SIAH2: variants seen among roughly 807,000 people sequenced by gnomAD.
SIAH2 encodes siah E3 ubiquitin protein ligase 2, also known as E3 ubiquitin-protein ligase SIAH2.
A neutral mutation model predicts 20.4 loss-of-function variants in SIAH2; 4 were observed. That is an observed-to-expected ratio of 0.20 (90% CI 0.10 to 0.45). The LOEUF is 0.45. Among genes scored for constraint, SIAH2 ranks in the 20% least tolerant of loss-of-function variants. The pLI, the probability that SIAH2 is intolerant of heterozygous loss-of-function variation, is 0.99. For missense variants in SIAH2, 259 were observed against 440.3 expected (o/e 0.59, Z 3.69); for synonymous variants, 171 against 192.5 (o/e 0.89, Z 0.93).
intron 1 of SIAH2, among the ~76,000 whole-genome samples, chr3:150,751,807 T>C (rs2108121220): frequency 6.6e-6 from 1 of 152,266 alleles, no homozygotes; most frequent in East Asian, 1.9e-4. Flanking sequence ...GATCCTCCCA[T>C]GTCAGCCTCT....
intron 1 of SIAH2, among the ~76,000 whole-genome samples, chr3:150,746,688 A>G (rs1714221191): frequency 6.6e-6 from 1 of 152,208 alleles, no homozygotes; most frequent in Non-Finnish European, 1.5e-5. Context: ...AAATGGCCCC[A>G]GTTGAGAACC....
At chr3:150,750,163 G>C (rs1714326335) in intron 1 of SIAH2, among the ~76,000 whole-genome samples, 1 of 152,160 alleles carries the variant, frequency 6.6e-6, no homozygotes, top group South Asian at 2.1e-4. Context: ...TTAACCATCA[G>C]TCAAACTTTT....
chr3:150,750,645 C>A (rs989304857), intron 1 of SIAH2, among the ~76,000 whole-genome samples: 1 of 151,944 alleles, frequency 6.6e-6, no homozygotes, highest in African/African-American at 2.4e-5. Context: ...CATGAATTCC[C>A]GGCGTCAAGC....
chr3:150,742,544 G>C lies in SIAH2; in HGVS notation c.572C>G (p.Ala191Gly). Reference protein sequence around the residue: ...LEAVMSHLMHAHKSITTLQGE... With the variant: ...LEAVMSHLMHGHKSITTLQGE... Reference sequence around the variant, plus strand: ...CTGAAGGGTGGTAATGCTCTTGTGGGCGTGCATGAGATGGGACATCACAGC... The same window carrying C: ...CTGAAGGGTGGTAATGCTCTTGTGGCCGTGCATGAGATGGGACATCACAGC... The change falls in exon 2 of 2, where the codon GCC becomes GGC. Residue 191 changes from alanine to glycine, a missense_variant. Physicochemically the swap from Ala to Gly is moderately conservative, Grantham distance 60. Around this residue, in one of 2 missense-constraint regions of SIAH2, gnomAD observed 160 missense variants for 327.6 expected, o/e 0.49. Transcript: ENST00000312960. The surrounding 1 kb of genome is among the most constrained non-coding windows in gnomAD (Gnocchi z 4.8). The C allele has an allele frequency of 3.1e-6, 5 of 1,614,038 alleles. No individual in the cohort carries two copies. Among genetic ancestry groups the C allele is most frequent in the Non-Finnish European group, 4.2e-6 (5 of 1,179,950 alleles).
rs1015724302 is a variant in SIAH2, at chr3:150,742,845, C to T, written c.418-147G>A. 1.7e-6 allele frequency: 1 copy of T among 591,568 alleles called. No individual in the cohort carries two copies. Among genetic ancestry groups the T allele is most frequent in the African/African-American group, 1.9e-5 (1 of 53,264 alleles). 36.6% of individuals were successfully genotyped at this position (591,568 alleles called of 1,614,324 possible). A position where few individuals can be genotyped will look rare whatever the true frequency, so the allele number is the denominator to read the frequency against. On this transcript the variant is annotated intron_variant, in intron 1 of 1. Transcript: ENST00000312960. The surrounding 1 kb of genome is among the most constrained non-coding windows in gnomAD (Gnocchi z 4.8). ...CTCAAAGCAAGTGAAATATTCAAGACTAAAAGTCTCCGTCTCTATTCATCA... is the reference window on the plus strand; with the variant it reads ...CTCAAAGCAAGTGAAATATTCAAGATTAAAAGTCTCCGTCTCTATTCATCA...
At chr3:150,756,223 A>T (rs949733125) in intron 1 of SIAH2, among the ~76,000 whole-genome samples, 5 of 152,210 alleles carry the variant, frequency 3.3e-5, no homozygotes, top group Non-Finnish European at 5.9e-5. Context: ...CCTTTTCAGG[A>T]TGTCCAGCGT....
chr3:150,750,136 A>G (rs966792273), intron 1 of SIAH2, among the ~76,000 whole-genome samples: 3 of 152,246 alleles, frequency 2.0e-5, no homozygotes, highest in African/African-American at 7.2e-5. Flanking sequence ...GATCCACATC[A>G]TGGTAAAAGT....
At chr3:150,745,286 T>C (rs2108117375) in intron 1 of SIAH2, among the ~76,000 whole-genome samples, 1 of 138,964 alleles carries the variant, frequency 7.2e-6, no homozygotes, top group East Asian at 2.7e-4. Context: ...CACCCCACAT[T>C]TCATACTTCA....
At position 150,762,428 on chromosome 3, in the gene SIAH2, C is replaced by T; in HGVS notation, c.417+5G>A. On this transcript the variant is annotated splice_donor_5th_base_variant and intron_variant, in intron 1 of 1. Transcript: ENST00000312960. The surrounding 1 kb of genome is among the most constrained non-coding windows in gnomAD (Gnocchi z 6.6). ...CGGAGGTACGTGGGCTGTCCCTGGG[C>T]TTACCTTACAGGGAAACAGGACTGC... 6.2e-7 allele frequency: 1 copy of T among 1,608,578 alleles called. No homozygotes were observed. Among genetic ancestry groups the T allele is most frequent in the African/African-American group, 1.3e-5 (1 of 74,808 alleles).
intron 1 of SIAH2, among the ~76,000 whole-genome samples, chr3:150,750,667 C>T (rs760337814): frequency 3.9e-5 from 6 of 152,122 alleles, no homozygotes; most frequent in Non-Finnish European, 7.4e-5. Flanking sequence ...ATCCTCTCAC[C>T]TCAGTCTCCT....
At position 150,762,765 on chromosome 3, in the gene SIAH2, G is replaced by C; in HGVS notation, c.85C>G (p.Pro29Ala). The C allele has an allele frequency of 8.3e-7, 1 of 1,202,156 alleles. No homozygotes were observed. The highest frequency in any genetic ancestry group is 1.0e-6 in the Non-Finnish European group (1 of 960,088). The allele number at this position is 1,202,156 out of a possible 1,614,324, so 74.5% of individuals were successfully genotyped here. Residue 29 changes from proline to alanine, a missense_variant, in exon 1 of 2, where the codon CCG becomes GCG. Coordinates refer to ENST00000312960, the MANE Select transcript of SIAH2 (RefSeq NM_005067.7). The surrounding 1 kb of genome is among the most constrained non-coding windows in gnomAD (Gnocchi z 6.6). ...PPPQPQHTPS[P>A]AAPPAAATIS... Reference sequence around the variant, plus strand: ...GTGGCGGCGGCCGGGGGCGCAGCCGGGGACGGAGTGTGCTGGGGCTGCGGC... The same window carrying C: ...GTGGCGGCGGCCGGGGGCGCAGCCGCGGACGGAGTGTGCTGGGGCTGCGGC...
intron 1 of SIAH2, among the ~76,000 whole-genome samples, chr3:150,756,389 G>C (rs1714485043): frequency 6.6e-6 from 1 of 152,156 alleles, no homozygotes; most frequent in African/African-American, 2.4e-5. Flanking sequence ...GTTTGAATAA[G>C]AACGGCCATG....
chr3:150,743,365 G>A (rs1714140345), intron 1 of SIAH2, among the ~76,000 whole-genome samples: 1 of 152,200 alleles, frequency 6.6e-6, no homozygotes, highest in Non-Finnish European at 1.5e-5. Context: ...TATTTTTTGG[G>A]TGGAAGGAAA....
At chr3:150,747,964 C>CA (rs58478348) in intron 1 of SIAH2, among the ~76,000 whole-genome samples, 4,369 of 55,200 alleles carry the variant, frequency 0.079, 147 homozygotes, top group Middle Eastern at 0.17. Flanking sequence ...AACGCCATCT[C>CA]AAAAAAAAAA....
chr3:150,759,495 T>C (rs1714558499), intron 1 of SIAH2, among the ~76,000 whole-genome samples: 1 of 152,182 alleles, frequency 6.6e-6, no homozygotes, highest in South Asian at 2.1e-4. Flanking sequence ...CCAGACGGTT[T>C]TGTTACTGGT....
intron 1 of SIAH2, among the ~76,000 whole-genome samples, chr3:150,754,907 A>G (rs1714451459): frequency 6.6e-6 from 1 of 152,224 alleles, no homozygotes; most frequent in South Asian, 2.1e-4. Context: ...TATATGATTA[A>G]GAGTAGGGAA....
Position 150,762,303 on chromosome 3 carries a change from T to C in SIAH2, c.417+130A>G. On this transcript the variant is annotated intron_variant, in intron 1 of 1. Coordinates refer to ENST00000312960, the MANE Select transcript of SIAH2 (RefSeq NM_005067.7). This position sits in a 1 kb window ranked among gnomAD's most constrained non-coding sequence, Gnocchi z 6.6. ...TGGGCTTGAGGGAGGGTGGACGAAG[T>C]GTAAACATTTTTTCTTTTTTTTTTT... 6.8e-7 allele frequency: 1 copy of C among 1,469,306 alleles called. No homozygotes were observed. Among genetic ancestry groups the C allele is most frequent in the Non-Finnish European group, 8.9e-7 (1 of 1,118,338 alleles). 91.0% of individuals were successfully genotyped at this position (1,469,306 alleles called of 1,614,324 possible). A position where few individuals can be genotyped will look rare whatever the true frequency, so the allele number is the denominator to read the frequency against.
chr3:150,754,983 T>A (rs1360898745), intron 1 of SIAH2, among the ~76,000 whole-genome samples: 1 of 152,182 alleles, frequency 6.6e-6, no homozygotes, highest in Non-Finnish European at 1.5e-5. Flanking sequence ...AGTTTATGCA[T>A]GAACCTGACC....
At chr3:150,745,241 AC>A (rs1714184251) in intron 1 of SIAH2, among the ~76,000 whole-genome samples, 2 of 11,404 alleles carry the variant, frequency 1.8e-4, no homozygotes, top group South Asian at 1.9e-3. Context: ...TTAACCCCCT[AC>A]ACACACACAC....
Sources: allele counts gnomAD v4.1 joint callset (sites outside exome capture counted in the v4.1 genomes callset), GRCh38; gene constraint gnomAD v4.1.1; regional missense constraint gnomAD v4.1.1; non-coding constraint Gnocchi (gnomAD v3.1); transcripts MANE v1.5; gene names NCBI Gene and HGNC (gene_info 2026-07-23, HGNC 2026-07-21).